Variants in TBC1D1 observed in about 807,000 individuals in gnomAD.
TBC1D1 encodes TBC1 (tre-2/USP6, BUB2, cdc16) domain family, member 1.
Under a neutral mutation model 125.6 loss-of-function variants are expected in TBC1D1, and 89 were observed. The observed-to-expected ratio is 0.71, with a 90% CI of 0.60 to 0.85. The LOEUF is 0.85. Ranked by LOEUF, TBC1D1 falls within the 40% of genes least tolerant of loss-of-function variation. TBC1D1 has a pLI of 0.00. For synonymous variants in TBC1D1, 565 were observed against 564.1 expected, an observed-to-expected ratio of 1.00 and a Z score of -0.02; for missense variants, 1,377 against 1,469.2, an observed-to-expected ratio of 0.94 and a Z score of 1.03.
At chr4:38,112,602 A>T (rs997637440) in intron 15 of TBC1D1, among the ~76,000 whole-genome samples, 2 of 152,212 alleles carry the variant, frequency 1.3e-5, no homozygotes, top group African/African-American at 4.8e-5. Flanking sequence ...GTCCATTCTG[A>T]GCTTCACGTG....
At chr4:38,046,510 G>T (rs1436065858) in intron 10 of TBC1D1, among the ~76,000 whole-genome samples, 1 of 152,028 alleles carries the variant, frequency 6.6e-6, no homozygotes, top group Non-Finnish European at 1.5e-5. Context: ...GGATTTGGGG[G>T]TACATGTGCA....
chr4:38,007,419 AT>A (rs1224528222), intron 2 of TBC1D1, among the ~76,000 whole-genome samples: 1 of 151,748 alleles, frequency 6.6e-6, no homozygotes, highest in Non-Finnish European at 1.5e-5. Context: ...CGCCTGGTTA[AT>A]TTTTGTATCT....
At chr4:37,973,013 C>A (rs1042556490) in intron 2 of TBC1D1, among the ~76,000 whole-genome samples, 1 of 151,962 alleles carries the variant, frequency 6.6e-6, no homozygotes, top group African/African-American at 2.4e-5. Context: ...TGTCTTTGTG[C>A]AGTGTGACTG....
chr4:38,125,968 G>A (rs1375691330), intron 18 of TBC1D1, among the ~76,000 whole-genome samples: 1 of 152,176 alleles, frequency 6.6e-6, no homozygotes, highest in Non-Finnish European at 1.5e-5. Flanking sequence ...CCTAGAATCT[G>A]CTCCAGATAG....
chr4:38,130,969 A>C (rs1010157364), intron 18 of TBC1D1, among the ~76,000 whole-genome samples: 4 of 152,208 alleles, frequency 2.6e-5, no homozygotes, highest in Non-Finnish European at 4.4e-5. Flanking sequence ...CCAAGTAATT[A>C]GCCCAAGGGC....
At position 38,137,533 on chromosome 4, in the gene TBC1D1, G is replaced by A. The variant is rs1766847485; in HGVS notation, c.*198G>A. 1.4e-6 allele frequency: 1 copy of A among 721,580 alleles called. No homozygotes were observed. Among genetic ancestry groups the A allele is most frequent in the Non-Finnish European group, 2.0e-6 (1 of 506,360 alleles). The allele number at this position is 721,580 out of a possible 1,614,324, so 44.7% of individuals were successfully genotyped here. On this transcript the variant is annotated 3_prime_UTR_variant, in exon 20 of 20. Coordinates refer to ENST00000261439, the MANE Select transcript of TBC1D1 (RefSeq NM_015173.4). ...CCCAGTGTTTTTTTTGTTGTTTTTA[G>A]ATACTAAATCGTCCCTTCTCCAGTC...
intron 18 of TBC1D1, among the ~76,000 whole-genome samples, chr4:38,128,423 C>T (rs946722445): frequency 2.0e-5 from 3 of 152,124 alleles, no homozygotes; most frequent in Non-Finnish European, 4.4e-5. Flanking sequence ...CCTTAGAGAT[C>T]CCCCAGGCCC....
At chr4:38,044,611 T>TA in intron 9 of TBC1D1, 121 bp downstream of exon 9, 7 of 1,082,224 alleles carry the variant, frequency 6.5e-6, no homozygotes, top group Non-Finnish European at 8.9e-6. Context: ...AACCTTTTTT[T>TA]ATGTTTTCTC....
At chr4:37,931,334 C>A (rs1723214101) in intron 2 of TBC1D1, among the ~76,000 whole-genome samples, 1 of 151,878 alleles carries the variant, frequency 6.6e-6, no homozygotes, top group South Asian at 2.1e-4. Context: ...TGACCTCAAG[C>A]TATCCACCTG....
chr4:37,990,384 A>G (rs1007036201), intron 2 of TBC1D1, among the ~76,000 whole-genome samples: 23 of 152,108 alleles, frequency 1.5e-4, no homozygotes, highest in South Asian at 6.2e-4. Flanking sequence ...GGCCAAGACA[A>G]TTCTTCCAGT....
rs59557310 is a variant in TBC1D1 at position 37,945,512 on chromosome 4, C to CAAAAAAAAAA, written c.417+43030_417+43039dup. 1.9e-4 allele frequency among the ~76,000 whole-genome samples: 4 copies of CAAAAAAAAAA among 20,692 alleles called. 1 individual carries two copies. The highest frequency in any genetic ancestry group is 1.4e-3 in the East Asian group (1 of 714). The allele number at this position is 20,692 out of a possible 152,430, so 13.6% of individuals were successfully genotyped here. ...TGGGCAACAGAGAGAGACTCCACCT[C>CAAAAAAAAAA]AAAAAAAAAAAAAAAAAAAAAAAAA... On this transcript the variant is annotated intron_variant, in intron 2 of 19. Coordinates refer to ENST00000261439, the MANE Select transcript of TBC1D1 (RefSeq NM_015173.4).
intron 2 of TBC1D1, among the ~76,000 whole-genome samples, chr4:37,903,705 G>A (rs763287299): frequency 2.4e-4 from 37 of 152,064 alleles, no homozygotes; most frequent in South Asian, 6.2e-4. Flanking sequence ...TCATTTGTTG[G>A]TTCTTCTAGT....
chr4:37,917,335 C>T (rs1460900428), intron 2 of TBC1D1, among the ~76,000 whole-genome samples: 3 of 151,752 alleles, frequency 2.0e-5, no homozygotes, highest in South Asian at 2.1e-4. Flanking sequence ...ATTAGCTGGG[C>T]GTGGTGGCAG....
At position 38,119,561 on chromosome 4, in the gene TBC1D1, A is replaced by T. The variant is rs544594355; in HGVS notation, c.2962+1369A>T. Among the ~76,000 whole-genome samples the T allele has an allele frequency of 7.2e-5, 11 of 152,140 alleles. No homozygotes were observed. The East Asian group carries it at 1.9e-3, about 27-fold the overall frequency. ...CTAAAAGCCTCAAAATTGTGTGCTT[A>T]GTTTATTAACAAAAGAGTTACAGAA... On this transcript the variant is annotated intron_variant, in intron 17 of 19. Coordinates refer to ENST00000261439, the MANE Select transcript of TBC1D1 (RefSeq NM_015173.4).
intron 7 of TBC1D1, among the ~76,000 whole-genome samples, chr4:38,031,545 T>A (rs1560654222): frequency 6.6e-6 from 1 of 152,192 alleles, no homozygotes; most frequent in Non-Finnish European, 1.5e-5. Context: ...TTTTAAGTAG[T>A]TCCCTTAGGA....
At chr4:37,894,914 G>A in intron 1 of TBC1D1, among the ~76,000 whole-genome samples, 1 of 152,142 alleles carries the variant, frequency 6.6e-6, no homozygotes, top group Admixed American at 6.6e-5. Flanking sequence ...AGATTCAAAT[G>A]CCACCTTCAC....
chr4:37,902,091 C>T lies in TBC1D1; in HGVS notation c.-5C>T. The T allele has an allele frequency of 1.9e-6, 3 of 1,589,542 alleles. No homozygotes were observed. The highest frequency in any genetic ancestry group is 3.4e-4 in the Middle Eastern group (2 of 5,884). ...GTTTTGCTGAGTTCCCAGACCCTTC[C>T]CAAGATGGAACCAATAACATTCACA... On this transcript the variant is annotated 5_prime_UTR_variant, in exon 2 of 20. Coordinates refer to ENST00000261439, the MANE Select transcript of TBC1D1 (RefSeq NM_015173.4).
chr4:38,119,874 G>A, intron 17 of TBC1D1: 1 of 817,036 alleles, frequency 1.2e-6, no homozygotes, highest in Non-Finnish European at 1.5e-6. Context: ...GGAGGGCTGA[G>A]GGGTCATCAC....
In TBC1D1 at chr4:38,032,662, G is replaced by A. The variant is rs1310298681; in HGVS notation, c.1303-2926G>A. ...ATCCTGGCTAACACGGTGAAACCCT[G>A]TCTCTACTAAAAATACAAAAAAATT... is the stretch of plus-strand genomic sequence containing the variant. On this transcript the variant is annotated intron_variant, in intron 7 of 19. Transcript: ENST00000261439. 1.8e-4 allele frequency among the ~76,000 whole-genome samples: 27 copies of A among 152,008 alleles called. 1 individual carries two copies. Among genetic ancestry groups the A allele is most frequent in the Admixed American group, 1.8e-3 (27 of 15,248 alleles).
Sources: gnomAD v4.1 joint callset for allele counts (sites outside exome capture counted in the v4.1 genomes callset) on GRCh38, gnomAD v4.1.1 for gene constraint, MANE v1.5 for transcripts, NCBI Gene and HGNC (gene_info 2026-07-23, HGNC 2026-07-21) for gene names.